CARD10: variants seen among roughly 807,000 people sequenced by gnomAD.
CARD10 encodes caspase recruitment domain family member 10.
CARD10 carries 49 observed loss-of-function variants against 114.6 expected under a neutral mutation model. The observed-to-expected ratio is 0.43, with a 90% CI of 0.34 to 0.54. The LOEUF (loss-of-function observed/expected upper bound fraction) is 0.54, where lower values mean the gene tolerates loss of function less well. CARD10 is among the 20% of genes least tolerant of loss of function. CARD10 has a pLI of 0.03. For synonymous variants in CARD10, 602 were observed against 593.2 expected (o/e 1.01, Z -0.21); for missense variants, 1,206 against 1,397.2 (o/e 0.86, Z 2.18).
At chr22:37,507,575 T>C (rs979139156) in intron 6 of CARD10, among the ~76,000 whole-genome samples, 1 of 152,164 alleles carries the variant, frequency 6.6e-6, no homozygotes, top group Non-Finnish European at 1.5e-5. Context: ...GATTCAAAAA[T>C]GAAGACACCA....
chr22:37,494,098 C>T lies in CARD10; in HGVS notation c.2464G>A (p.Glu822Lys). 1.3e-6 allele frequency: 2 copies of T among 1,556,002 alleles called. No homozygotes were observed. The highest frequency in any genetic ancestry group is 2.4e-5 in the East Asian group (1 of 41,360). ...AGDSPDQLLL[E>K]PCAEPERSLR... ...CCCGCGCACTCACCTGCACAGGGCT[C>T]CAGCAGCAGCTGATCCGGGGAGTCC... The change falls in exon 16 of 20, where the codon GAG becomes AAG. Residue 822 changes from glutamate (E) to lysine (K), a missense_variant. Glu to Lys is a moderately conservative substitution (Grantham distance 56, BLOSUM62 1). Coordinates refer to ENST00000251973, the MANE Select transcript of CARD10 (RefSeq NM_014550.4).
chr22:37,507,326 C>A (rs757528221), intron 6 of CARD10, among the ~76,000 whole-genome samples: 2 of 152,182 alleles, frequency 1.3e-5, no homozygotes, highest in African/African-American at 2.4e-5. Flanking sequence ...GGGATTCACA[C>A]CTGGTTAAGG....
rs1274937124 is a variant in CARD10, at chr22:37,503,180, G to A, written c.1663+5C>T. 4 of 1,611,046 alleles carry A rather than the reference G, an allele frequency of 2.5e-6. No individual in the cohort carries two copies. The highest frequency in any genetic ancestry group is 2.7e-5 in the African/African-American group (2 of 74,758). On this transcript the variant is annotated splice_donor_5th_base_variant and intron_variant, in intron 10 of 19. Coordinates refer to ENST00000251973, the MANE Select transcript of CARD10 (RefSeq NM_014550.4). ...GCCCTCCCCACGGAACTCAAGGGCT[G>A]TTACCTGTGATGTCTGACATGCTGC...
At chr22:37,495,141 T>C (rs1569162418) in intron 15 of CARD10, among the ~76,000 whole-genome samples, 1 of 152,166 alleles carries the variant, frequency 6.6e-6, no homozygotes, top group Admixed American at 6.5e-5. Flanking sequence ...TTTGTTTTTG[T>C]ATTTTCAGTA....
In CARD10 at chr22:37,501,920, C is replaced by T. The variant is rs1289903762; in HGVS notation, c.1787+682G>A. 1.3e-5 allele frequency among the ~76,000 whole-genome samples: 2 copies of T among 152,216 alleles called. No homozygotes were observed. The highest frequency in any genetic ancestry group is 4.8e-5 in the African/African-American group (2 of 41,452). On this transcript the variant is annotated intron_variant, in intron 11 of 19. Transcript: ENST00000251973. This position sits in a 1 kb window ranked among gnomAD's most constrained non-coding sequence, Gnocchi z 5.4. ...CTTTCGCCCTTCCCCCTCGCTCCTC[C>T]TCCACAGTCACCGGATGCTCTCCCT...
At position 37,508,508 on chromosome 22, in the gene CARD10, G is replaced by C. The variant is rs1015273884; in HGVS notation, c.1065+19C>G. On this transcript the variant is annotated intron_variant, in intron 5 of 19. Transcript: ENST00000251973. Reference sequence around the variant, plus strand: ...TGACACCCTCCCGCACAAGGGGCAGGGCACGGGCAGGGCCCCACCTGGTCG... The same window carrying C: ...TGACACCCTCCCGCACAAGGGGCAGCGCACGGGCAGGGCCCCACCTGGTCG... The C allele has an allele frequency of 3.8e-6, 6 of 1,575,094 alleles. No individual in the cohort carries two copies. Among genetic ancestry groups the C allele is most frequent in the Non-Finnish European group, 5.1e-6 (6 of 1,166,372 alleles).
At chr22:37,491,520 G>A in intron 19 of CARD10, 127 bp from the exon 20 acceptor site, 1 of 261,742 alleles carries the variant, frequency 3.8e-6, no homozygotes, top group Non-Finnish European at 6.1e-6. Context: ...GAGACAGATG[G>A]CAGATGGAGA....
intron 15 of CARD10, among the ~76,000 whole-genome samples, chr22:37,494,822 T>C (rs1005567930): frequency 6.6e-6 from 1 of 152,214 alleles, no homozygotes; most frequent in African/African-American, 2.4e-5. Context: ...TGGGGTCGAA[T>C]GCAGGCTGCC....
chr22:37,508,410 A>C (rs954414023), intron 5 of CARD10, 117 bp downstream of exon 5: 50 of 1,138,820 alleles, frequency 4.4e-5, no homozygotes, highest in South Asian at 9.8e-5. Context: ...CTGAGAACAA[A>C]TGAATGCAGT....
At position 37,503,230 on chromosome 22, in the gene CARD10, CA is replaced by C. The variant is rs1184864115; in HGVS notation, c.1635-18del. On this transcript the variant is annotated intron_variant, in intron 9 of 19. Transcript: ENST00000251973. The stretch of plus-strand genomic sequence containing the variant: ...CTGAAGGATCTGGGCAGAGAGAGGG[CA>C]GGGAGGGGGCAGGAGGTGAGGCACA... 6 of 1,608,668 alleles carry C rather than the reference CA, an allele frequency of 3.7e-6. No individual in the cohort carries two copies. The African/African-American group carries it at 6.7e-5, about 18-fold the overall frequency.
intron 9 of CARD10, 37 bp downstream of exon 9, chr22:37,504,149 C>A: frequency 6.9e-7 from 1 of 1,440,376 alleles, no homozygotes; most frequent in Non-Finnish European, 9.6e-7. Flanking sequence ...GCAGCCCCAC[C>A]TCCCTGGGTG....
At position 37,492,304 on chromosome 22, in the gene CARD10, T is replaced by A; in HGVS notation, c.2751+131A>T. 1 of 693,536 alleles carries A rather than the reference T, an allele frequency of 1.4e-6. No individual in the cohort carries two copies. The highest frequency in any genetic ancestry group is 2.3e-6 in the Non-Finnish European group (1 of 427,456). The allele number at this position is 693,536 out of a possible 1,614,324, so 43.0% of individuals were successfully genotyped here. ...CTGAAGGCCACAGGAGGGAAAGGAC[T>A]TGGCCAGGGCCGCCCTGCCAGTGAG... On this transcript the variant is annotated intron_variant, in intron 18 of 19. Transcript: ENST00000251973. This position sits in a 1 kb window ranked among gnomAD's most constrained non-coding sequence, Gnocchi z 5.7.
intron 3 of CARD10, chr22:37,512,222 T>G (rs1923676204): frequency 6.6e-6 from 1 of 152,234 alleles, no homozygotes; most frequent in African/African-American, 2.4e-5. Context: ...ATGGCCAGTT[T>G]GCTGGACTAT....
In CARD10 at chr22:37,491,748, A is replaced by AC; in HGVS notation, c.2864+6dup. 3.4e-6 allele frequency: 2 copies of AC among 590,972 alleles called. No individual in the cohort carries two copies. The highest frequency in any genetic ancestry group is 6.1e-6 in the Non-Finnish European group (2 of 328,486). The allele number at this position is 590,972 out of a possible 1,614,324, so 36.6% of individuals were successfully genotyped here. On this transcript the variant is annotated splice_region_variant and intron_variant, in intron 19 of 19. Transcript: ENST00000251973. ...GCCCTGCCCACTGCCCCACCCACCC[A>AC]CCTCACCTGACTTCCCGGACATTCT...
Position 37,496,600 on chromosome 22 carries a change from T to C in CARD10, c.1948-40A>G. The C allele has an allele frequency of 6.8e-7, 1 of 1,463,152 alleles. No individual in the cohort carries two copies. Among genetic ancestry groups the C allele is most frequent in the Non-Finnish European group, 9.5e-7 (1 of 1,049,178 alleles). The allele number at this position is 1,463,152 out of a possible 1,614,324, so 90.6% of individuals were successfully genotyped here. On this transcript the variant is annotated intron_variant, in intron 12 of 19. Coordinates refer to ENST00000251973, the MANE Select transcript of CARD10 (RefSeq NM_014550.4). The surrounding 1 kb of genome is among the most constrained non-coding windows in gnomAD (Gnocchi z 4.1). ...AGGCAGGGAGGGAAAGAAGTGAGCC[T>C]CTGAGAGTAGAGCAGCCCAGGGGCT... is the stretch of plus-strand genomic sequence containing the variant.
chr22:37,509,106 TG>T (rs970548066), intron 4 of CARD10: 5 of 1,526,342 alleles, frequency 3.3e-6, no homozygotes, highest in Non-Finnish European at 4.4e-6. Context: ...AGGTAGACCC[TG>T]GGCCCAAGAT....
rs759027679 is a variant in CARD10, at chr22:37,518,127, A to C, written c.236-19T>G. 8 of 1,610,822 alleles carry C rather than the reference A, an allele frequency of 5.0e-6. No individual in the cohort carries two copies. Among genetic ancestry groups the C allele is most frequent in the Non-Finnish European group, 6.8e-6 (8 of 1,177,938 alleles). On this transcript the variant is annotated intron_variant, in intron 1 of 19. Coordinates refer to ENST00000251973, the MANE Select transcript of CARD10 (RefSeq NM_014550.4). ...AGGCGCCCTACAGAGTAGTGGGGGGATGTACCCAGGGTCTAGGGGAAGGCC... is the reference window on the plus strand; with the variant it reads ...AGGCGCCCTACAGAGTAGTGGGGGGCTGTACCCAGGGTCTAGGGGAAGGCC...
At chr22:37,503,830 TG>T (rs1010368610) in intron 9 of CARD10, among the ~76,000 whole-genome samples, 4 of 152,310 alleles carry the variant, frequency 2.6e-5, no homozygotes, top group African/African-American at 9.6e-5. Flanking sequence ...ACCTGGGGCC[TG>T]GCTTTCTTGC....
At position 37,496,792 on chromosome 22, in the gene CARD10, G is replaced by A. The variant is rs771831777; in HGVS notation, c.1947+227C>T. 5 of 643,952 alleles carry A rather than the reference G, an allele frequency of 7.8e-6. No homozygotes were observed. The highest frequency in any genetic ancestry group is 1.8e-5 in the African/African-American group (1 of 54,654). 39.9% of individuals were successfully genotyped at this position (643,952 alleles called of 1,614,324 possible). Reference sequence around the variant, plus strand: ...ATCCAGGTCTTTCTCGACTTGAAGCGCAGGAATGTAACGTGCTGTCAGTTG... The same window carrying A: ...ATCCAGGTCTTTCTCGACTTGAAGCACAGGAATGTAACGTGCTGTCAGTTG... On this transcript the variant is annotated intron_variant, in intron 12 of 19. Transcript: ENST00000251973. This position sits in a 1 kb window ranked among gnomAD's most constrained non-coding sequence, Gnocchi z 4.1.
Sources: gnomAD v4.1 joint callset for allele counts (sites outside exome capture counted in the v4.1 genomes callset) on GRCh38, gnomAD v4.1.1 for gene constraint, Gnocchi (gnomAD v3.1) non-coding constraint, MANE v1.5 for transcripts, NCBI Gene and HGNC (gene_info 2026-07-23, HGNC 2026-07-21) for gene names.